Variants in VPS50 observed in about 807,000 individuals in gnomAD.
VPS50 encodes VPS50 subunit of EARP/GARPII complex.
In VPS50, 70 loss-of-function variants were observed where a neutral mutation model predicts 139.7. The ratio of observed to expected loss-of-function variants is 0.50; its 90% confidence interval spans 0.41 to 0.61. VPS50 has a LOEUF of 0.61. Ranked by LOEUF, VPS50 falls within the 20% of genes least tolerant of loss-of-function variation. The pLI is 0.00. For missense variants in VPS50, 921 were observed against 1,133.7 expected, an observed-to-expected ratio of 0.81 and a Z score of 2.69; for synonymous variants, 365 against 376.7, an observed-to-expected ratio of 0.97 and a Z score of 0.36.
chr7:93,347,360 A>G (rs1387314837), intron 23 of VPS50, among the ~76,000 whole-genome samples: 1 of 123,412 alleles, frequency 8.1e-6, no homozygotes, highest in African/African-American at 3.4e-5. Flanking sequence ...AAATAGGAAC[A>G]CTTTTACACT....
intron 23 of VPS50, among the ~76,000 whole-genome samples, chr7:93,346,279 AC>A (rs1798391287): frequency 6.6e-6 from 1 of 152,220 alleles, no homozygotes; most frequent in South Asian, 2.1e-4. Context: ...GATGTGAAGG[AC>A]CTCTTCAAGG....
At position 93,271,320 on chromosome 7, in the gene VPS50, G is replaced by A. The variant is rs1796003296; in HGVS notation, c.702+58G>A. The A allele has an allele frequency of 2.7e-6, 4 of 1,476,144 alleles. No homozygotes were observed. The East Asian group carries it at 7.9e-5, about 29-fold the overall frequency. The allele number at this position is 1,476,144 out of a possible 1,614,324, so 91.4% of individuals were successfully genotyped here. A position where few individuals can be genotyped will look rare whatever the true frequency, so the allele number is the denominator to read the frequency against. On this transcript the variant is annotated intron_variant, in intron 10 of 27. Transcript: ENST00000305866. ...TTTTCTTTTCAGAAGTTTTTGAATA[G>A]CCTAGGTGCAACATTGTGTTTTGGC...
intron 26 of VPS50, 131 bp from the exon 27 acceptor site, chr7:93,355,760 T>C: frequency 2.0e-6 from 1 of 506,780 alleles, no homozygotes; most frequent in Non-Finnish European, 3.5e-6. Flanking sequence ...GCTTATGTTC[T>C]CTATTTCCTA....
intron 17 of VPS50, among the ~76,000 whole-genome samples, chr7:93,304,335 T>G (rs573138024): frequency 6.6e-6 from 1 of 151,222 alleles, no homozygotes; most frequent in East Asian, 1.9e-4. Context: ...TAATTACAAG[T>G]TTTTTTTTGA....
Position 93,308,824 on chromosome 7 carries a change from T to G in VPS50, c.1630T>G (p.Tyr544Asp). 1 of 1,548,926 alleles carries G rather than the reference T, an allele frequency of 6.5e-7. No homozygotes were observed. The highest frequency in any genetic ancestry group is 8.9e-7 in the Non-Finnish European group (1 of 1,122,188). ...ETEDVLASNG[Y>D]ESDEQEKSAY... ...TTTTAATAACCTGTGTTTTCTTCAGTATGAATCTGATGAACAAGAAAAGAG... is the reference window on the plus strand; with the variant it reads ...TTTTAATAACCTGTGTTTTCTTCAGGATGAATCTGATGAACAAGAAAAGAG... Residue 544 changes from tyrosine (Y) to aspartate (D), a missense_variant and splice_region_variant, in exon 19 of 28, where the codon TAT becomes GAT. Tyr to Asp is a radical substitution (Grantham distance 160). Transcript: ENST00000305866.
chr7:93,314,638 C>T (rs1000850285), intron 20 of VPS50, among the ~76,000 whole-genome samples: 10 of 152,008 alleles, frequency 6.6e-5, no homozygotes, highest in Admixed American at 1.3e-4. Flanking sequence ...TAAGAACTGC[C>T]GACAACAACA....
At chr7:93,284,276 T>C (rs1447454482) in intron 12 of VPS50, among the ~76,000 whole-genome samples, 2 of 152,144 alleles carry the variant, frequency 1.3e-5, no homozygotes, top group African/African-American at 4.8e-5. Flanking sequence ...TTTTTATATT[T>C]AAATACTGCC....
intron 9 of VPS50, among the ~76,000 whole-genome samples, chr7:93,261,334 A>G (rs1363252048): frequency 6.6e-6 from 1 of 152,160 alleles, no homozygotes; most frequent in Admixed American, 6.5e-5. Context: ...TTGGTTTCAT[A>G]AAGAACATAA....
chr7:93,281,837 G>A (rs1486342831), intron 12 of VPS50, among the ~76,000 whole-genome samples: 1 of 152,192 alleles, frequency 6.6e-6, no homozygotes, highest in Non-Finnish European at 1.5e-5. Context: ...CTTTTAATGT[G>A]TATATAAGCT....
At chr7:93,286,102 A>G (rs1209695939) in intron 12 of VPS50, among the ~76,000 whole-genome samples, 1 of 152,182 alleles carries the variant, frequency 6.6e-6, no homozygotes, top group Non-Finnish European at 1.5e-5. Flanking sequence ...AATAAATTGA[A>G]GCTAATAGCT....
In VPS50 at chr7:93,272,911, G is replaced by A. The variant is rs143891595; in HGVS notation, c.801+178G>A. 4.1e-4 allele frequency: 182 copies of A among 445,958 alleles called. 2 individuals carry two copies. In the East Asian group the frequency reaches 7.2e-3, roughly 18 times the overall value. 27.6% of individuals were successfully genotyped at this position (445,958 alleles called of 1,614,324 possible). Reference sequence around the variant, plus strand: ...CTTGTAGACTCAGAGGGTATATAATGTGGTTAAAACATTACAGTAGTTTGT... The same window carrying A: ...CTTGTAGACTCAGAGGGTATATAATATGGTTAAAACATTACAGTAGTTTGT... On this transcript the variant is annotated intron_variant, in intron 11 of 27. Coordinates refer to ENST00000305866, the MANE Select transcript of VPS50 (RefSeq NM_017667.4).
intron 21 of VPS50, among the ~76,000 whole-genome samples, chr7:93,330,320 A>T (rs958597404): frequency 1.3e-5 from 2 of 152,206 alleles, no homozygotes; most frequent in African/African-American, 2.4e-5. Flanking sequence ...AAGGAGGGAA[A>T]ATAGAGAGAA....
At position 93,295,854 on chromosome 7, in the gene VPS50, A is replaced by G. The variant is rs370164238; in HGVS notation, c.1168-888A>G. On this transcript the variant is annotated intron_variant, in intron 14 of 27. Transcript: ENST00000305866. ...ATCCTTCTGCCTCAGCCTCCTGAGT[A>G]GCTGGGACCACAGATGTGCACCACC... Among the ~76,000 whole-genome samples the G allele has an allele frequency of 4.6e-5, 7 of 152,132 alleles. No individual in the cohort carries two copies. The East Asian group carries it at 1.2e-3, about 25-fold the overall frequency.
At position 93,239,877 on chromosome 7, in the gene VPS50, C is replaced by A; in HGVS notation, c.45C>A (p.Ser15Arg). 1 of 1,598,136 alleles carries A rather than the reference C, an allele frequency of 6.3e-7. No individual in the cohort carries two copies. The highest frequency in any genetic ancestry group is 8.6e-7 in the Non-Finnish European group (1 of 1,166,132). ...ATTATTTTTTTAAGGGTCTGAAAAG[C>A]CCTCAAGAAAGCCTCAGTGATCTTG... is the stretch of plus-strand genomic sequence containing the variant. ...KSLMTRQGLKSPQESLSDLGA... is the reference protein window; with the variant it reads ...KSLMTRQGLKRPQESLSDLGA... The change falls in exon 2 of 28, where the codon AGC becomes AGA. Residue 15 changes from serine (S) to arginine (R), a missense_variant. Physicochemically the swap from Ser to Arg is moderately radical, Grantham distance 110 (BLOSUM62 -1). Transcript: ENST00000305866.
chr7:93,354,919 A>G (rs903702160), intron 26 of VPS50, among the ~76,000 whole-genome samples: 2 of 152,290 alleles, frequency 1.3e-5, no homozygotes, highest in South Asian at 2.1e-4. Flanking sequence ...CTCATTTGTT[A>G]TACAAAATAA....
Position 93,311,205 on chromosome 7 carries a change from T to A in VPS50, c.1788T>A (p.Asp596Glu). The A allele has an allele frequency of 1.4e-6, 2 of 1,422,356 alleles. No individual in the cohort carries two copies. The highest frequency in any genetic ancestry group is 1.1e-5 in the South Asian group (1 of 87,170). 88.1% of individuals were successfully genotyped at this position (1,422,356 alleles called of 1,614,324 possible). A position where few individuals can be genotyped will look rare whatever the true frequency, so the allele number is the denominator to read the frequency against. ...RETLKSRKKS[D>E]YSLNKVNAPI... is the part of the protein sequence containing the mutation. ...CTCTAAAAAGCAGGAAGAAATCAGA[T>A]TACAGTCTAAATAAAGTGAATGCAC... Residue 596 changes from aspartate to glutamate, a missense_variant, in exon 20 of 28, where the codon GAT becomes GAA. Asp to Glu is a conservative substitution (Grantham distance 45). Transcript: ENST00000305866.
chr7:93,340,189 G>C (rs1798174719), intron 22 of VPS50, among the ~76,000 whole-genome samples: 1 of 152,194 alleles, frequency 6.6e-6, no homozygotes. Flanking sequence ...TTTCTCTGAG[G>C]TGTAATGCAG....
intron 12 of VPS50, among the ~76,000 whole-genome samples, chr7:93,282,501 T>C (rs1796359395): frequency 6.6e-6 from 1 of 152,308 alleles, no homozygotes; most frequent in South Asian, 2.1e-4. Context: ...CTTTCCTAAA[T>C]TGCCCTATAA....
In VPS50 at chr7:93,360,658, A is replaced by C. The variant is rs1798810991; in HGVS notation, c.*2222A>C. On this transcript the variant is annotated 3_prime_UTR_variant, in exon 28 of 28. Coordinates refer to ENST00000305866, the MANE Select transcript of VPS50 (RefSeq NM_017667.4). ...CGTGTTCCAAAAACTATCATTACCA[A>C]AAATTTATTATTTTTGAGTCTAAAC... 1 of 152,090 alleles carries C rather than the reference A, an allele frequency of 6.6e-6. No individual in the cohort carries two copies. Among genetic ancestry groups the C allele is most frequent in the African/African-American group, 2.4e-5 (1 of 41,432 alleles). 9.4% of individuals were successfully genotyped at this position (152,090 alleles called of 1,614,324 possible). A position where few individuals can be genotyped will look rare whatever the true frequency, so the allele number is the denominator to read the frequency against.
Sources: gnomAD v4.1 joint callset for allele counts (sites outside exome capture counted in the v4.1 genomes callset) on GRCh38, gnomAD v4.1.1 for gene constraint, MANE v1.5 for transcripts, NCBI Gene and HGNC (gene_info 2026-07-23, HGNC 2026-07-21) for gene names.